Variants in GNA14 observed in about 807,000 individuals in gnomAD.
The protein encoded by GNA14 is guanine nucleotide-binding protein subunit alpha-14.
In GNA14, 50 loss-of-function variants were observed where a neutral mutation model predicts 42.0. The ratio of observed to expected loss-of-function variants is 1.19; its 90% CI spans 0.95 to 1.51. GNA14 has a LOEUF of 1.51. GNA14 is among the 40% of genes most tolerant of loss of function. GNA14 has a pLI of 0.00. For synonymous variants in GNA14, 173 were observed against 163.1 expected, an observed-to-expected ratio of 1.06 and a Z score of -0.46; for missense variants, 473 against 446.2, an observed-to-expected ratio of 1.06 and a Z score of -0.54.
chr9:77,462,236 G>A (rs189477123), intron 2 of GNA14, among the ~76,000 whole-genome samples: 57 of 152,208 alleles, frequency 3.7e-4, no homozygotes, highest in African/African-American at 1.2e-3. Flanking sequence ...AGCCAGACTC[G>A]GGCAGCTGTG....
In GNA14 at chr9:77,449,773, T is replaced by A. The variant is rs796168186; in HGVS notation, c.310-15251A>T. Among the ~76,000 whole-genome samples, 6 of 152,222 alleles carry A rather than the reference T, an allele frequency of 3.9e-5. No individual in the cohort carries two copies. In the East Asian group the frequency reaches 1.2e-3, roughly 29 times the overall value. On this transcript the variant is annotated intron_variant, in intron 2 of 6. Coordinates refer to ENST00000341700, the MANE Select transcript of GNA14 (RefSeq NM_004297.4). ...TTAGATTCATTAGTTTAACACCAGC[T>A]AGGCAGGTATAGCCGAGGCTGAGCT... is the stretch of plus-strand genomic sequence containing the variant.
intron 2 of GNA14, among the ~76,000 whole-genome samples, chr9:77,445,832 C>T (rs978947622): frequency 2.6e-5 from 4 of 152,222 alleles, no homozygotes; most frequent in South Asian, 2.1e-4. Context: ...AGTTTTCTGT[C>T]CCTGTCACCA....
intron 1 of GNA14, among the ~76,000 whole-genome samples, chr9:77,554,205 GTC>G (rs1179087576): frequency 2.6e-5 from 4 of 152,152 alleles, no homozygotes; most frequent in African/African-American, 7.2e-5. Flanking sequence ...CTTTAAAAGT[GTC>G]TCTGTTACTT....
Position 77,647,929 on chromosome 9 carries a change from A to G in GNA14, c.-136T>C. The stretch of plus-strand genomic sequence containing the variant: ...AGACGGGGGCCGACTTGAGCTTTGG[A>G]GTAAGACGCCTGGACCTCCGAGGCT... On this transcript the variant is annotated 5_prime_UTR_variant, in exon 1 of 7. Coordinates refer to ENST00000341700, the MANE Select transcript of GNA14 (RefSeq NM_004297.4). 9.7e-7 allele frequency: 1 copy of G among 1,027,210 alleles called. No individual in the cohort carries two copies. The highest frequency in any genetic ancestry group is 1.4e-6 in the Non-Finnish European group (1 of 715,210). 63.6% of individuals were successfully genotyped at this position (1,027,210 alleles called of 1,614,324 possible). A position where few individuals can be genotyped will look rare whatever the true frequency, so the allele number is the denominator to read the frequency against.
At chr9:77,606,215 G>C (rs1823643866) in intron 1 of GNA14, among the ~76,000 whole-genome samples, 1 of 152,074 alleles carries the variant, frequency 6.6e-6, no homozygotes, top group Admixed American at 6.6e-5. Flanking sequence ...TTTTCCAAAA[G>C]GGAAAGAAAA....
chr9:77,620,719 C>T (rs529787662), intron 1 of GNA14, among the ~76,000 whole-genome samples: 1 of 151,938 alleles, frequency 6.6e-6, no homozygotes, highest in African/African-American at 2.4e-5. Context: ...TGGTGGTGCA[C>T]ACCTGTAGTC....
chr9:77,478,284 T>G (rs1644427355), intron 2 of GNA14, among the ~76,000 whole-genome samples: 2 of 152,006 alleles, frequency 1.3e-5, no homozygotes, highest in South Asian at 4.2e-4. Context: ...GGTGTTTGGT[T>G]TTTTGTCCTT....
At chr9:77,503,704 C>A (rs1837011109) in intron 2 of GNA14, among the ~76,000 whole-genome samples, 1 of 148,068 alleles carries the variant, frequency 6.8e-6, no homozygotes, top group East Asian at 2.0e-4. Flanking sequence ...GTGGCCCAGG[C>A]TGGAGTGCAG....
chr9:77,611,681 T>G (rs1436511306), intron 1 of GNA14, among the ~76,000 whole-genome samples: 1 of 152,284 alleles, frequency 6.6e-6, no homozygotes, highest in East Asian at 1.9e-4. Context: ...TTCTTACACG[T>G]ATGATCATCA....
chr9:77,628,957 C>T (rs948766634), intron 1 of GNA14, among the ~76,000 whole-genome samples: 3 of 152,100 alleles, frequency 2.0e-5, no homozygotes, highest in African/African-American at 7.2e-5. Flanking sequence ...AGGCAACCTA[C>T]AGAATGGGAG....
chr9:77,483,890 T>G (rs962538124), intron 2 of GNA14, among the ~76,000 whole-genome samples: 2 of 152,052 alleles, frequency 1.3e-5, no homozygotes, highest in African/African-American at 4.8e-5. Context: ...GACATTAGAT[T>G]TTTCAAAAAA....
intron 2 of GNA14, among the ~76,000 whole-genome samples, chr9:77,455,827 G>T (rs1471162840): frequency 6.6e-6 from 1 of 152,114 alleles, no homozygotes; most frequent in African/African-American, 2.4e-5. Context: ...CAAATATGTG[G>T]CTAAGTCTAA....
rs1835409762 is a variant in GNA14, at chr9:77,423,727, TTACACAAAA to T, written c.*243_*251del. ...TTCTAGAAAACACCAAATTCAAAAA[TTACACAAAA>T]TCTTATAGCCAAAAGTCAAGAAAAT... On this transcript the variant is annotated 3_prime_UTR_variant, in exon 7 of 7. Coordinates refer to ENST00000341700, the MANE Select transcript of GNA14 (RefSeq NM_004297.4). 3.8e-6 allele frequency: 1 copy of T among 261,016 alleles called. No individual in the cohort carries two copies. The highest frequency in any genetic ancestry group is 1.7e-4 in the South Asian group (1 of 5,890). The allele number at this position is 261,016 out of a possible 1,614,324, so 16.2% of individuals were successfully genotyped here. A position where few individuals can be genotyped will look rare whatever the true frequency, so the allele number is the denominator to read the frequency against.
intron 1 of GNA14, among the ~76,000 whole-genome samples, chr9:77,571,705 C>T (rs942007474): frequency 2.0e-5 from 3 of 147,462 alleles, no homozygotes; most frequent in Non-Finnish European, 4.4e-5. Flanking sequence ...GAGGCTGAGG[C>T]AGGAGAATCG....
chr9:77,557,228 GGAGA>G (rs1822799348), intron 1 of GNA14, among the ~76,000 whole-genome samples: 1 of 152,130 alleles, frequency 6.6e-6, no homozygotes, highest in Admixed American at 6.6e-5. Flanking sequence ...AGGGAGAATG[GGAGA>G]AAGAGAAAGG....
chr9:77,482,896 T>G (rs983511732), intron 2 of GNA14, among the ~76,000 whole-genome samples: 5 of 152,262 alleles, frequency 3.3e-5, no homozygotes, highest in African/African-American at 1.2e-4. Context: ...GCCTTGGCTT[T>G]CAGCTCCATC....
chr9:77,479,760 C>CTT (rs1297352250), intron 2 of GNA14, among the ~76,000 whole-genome samples: 16 of 152,084 alleles, frequency 1.1e-4, no homozygotes, highest in African/African-American at 3.9e-4. Flanking sequence ...TGAAGATGTC[C>CTT]TTCACATCCC....
intron 2 of GNA14, among the ~76,000 whole-genome samples, chr9:77,520,174 T>C (rs1837332276): frequency 6.6e-6 from 1 of 152,196 alleles, no homozygotes; most frequent in Non-Finnish European, 1.5e-5. Flanking sequence ...CAGAGCTTAT[T>C]AATCAGTTAA....
At chr9:77,434,337 C>G (rs781065470) in intron 3 of GNA14, 31 bp downstream of exon 3, 19 of 1,586,238 alleles carry the variant, frequency 1.2e-5, no homozygotes, top group African/African-American at 2.7e-5. Flanking sequence ...CTGAAAGCAC[C>G]GCGGGCGGCC....
Sources: gnomAD v4.1 joint callset for allele counts (sites outside exome capture counted in the v4.1 genomes callset) on GRCh38, gnomAD v4.1.1 for gene constraint, MANE v1.5 for transcripts, NCBI Gene and HGNC (gene_info 2026-07-23, HGNC 2026-07-21) for gene names.